Variants in PDE4B observed in about 807,000 individuals in gnomAD.
PDE4B encodes phosphodiesterase 4B, also known as 3',5'-cyclic-AMP phosphodiesterase 4B.
Under a neutral mutation model 82.2 loss-of-function variants are expected in PDE4B, and 20 were observed. The observed-to-expected ratio is 0.24, with a 90% CI of 0.17 to 0.35. The LOEUF is 0.35. Among genes scored for constraint, PDE4B ranks in the 10% least tolerant of loss-of-function variants. PDE4B has a pLI of 1.00. For synonymous variants in PDE4B, 320 were observed against 318.9 expected (o/e 1.00, Z -0.04); for missense variants, 655 against 907.2 (o/e 0.72, Z 3.57).
chr1:66,280,621 C>G (rs1207121125), intron 7 of PDE4B, among the ~76,000 whole-genome samples: 1 of 152,154 alleles, frequency 6.6e-6, no homozygotes, highest in Non-Finnish European at 1.5e-5. Context: ...TTGAGACGCC[C>G]TTCCTTCTCA....
At chr1:65,976,799 A>C in intron 3 of PDE4B, among the ~76,000 whole-genome samples, 1 of 152,238 alleles carries the variant, frequency 6.6e-6, no homozygotes, top group Non-Finnish European at 1.5e-5. Flanking sequence ...TCATGATTTA[A>C]GTTTCCTGAG....
intron 8 of PDE4B, among the ~76,000 whole-genome samples, chr1:66,334,613 C>A (rs12562881): frequency 1.3e-5 from 2 of 152,306 alleles, no homozygotes; most frequent in Non-Finnish European, 2.9e-5. Flanking sequence ...AGCATGCAGC[C>A]TCAGTCATTT....
intron 3 of PDE4B, among the ~76,000 whole-genome samples, chr1:66,015,400 C>G (rs76005015): frequency 0.021 from 3,217 of 152,136 alleles, 116 homozygotes; most frequent in African/African-American, 0.073. Context: ...AACACCCAGG[C>G]TTGTGTTTAA....
At chr1:66,143,179 G>A (rs1384772377) in intron 3 of PDE4B, among the ~76,000 whole-genome samples, 2 of 152,182 alleles carry the variant, frequency 1.3e-5, no homozygotes, top group South Asian at 2.1e-4. Context: ...CAGTAAAAGT[G>A]AAGACAAGGG....
At chr1:65,961,691 G>C (rs17128157) in intron 3 of PDE4B, among the ~76,000 whole-genome samples, 1 of 152,248 alleles carries the variant, frequency 6.6e-6, no homozygotes, top group African/African-American at 2.4e-5. Context: ...TCAATGGGAA[G>C]ACAGATGAGT....
At chr1:65,854,316 C>T (rs1279000826) in intron 1 of PDE4B, among the ~76,000 whole-genome samples, 8 of 151,100 alleles carry the variant, frequency 5.3e-5, no homozygotes, top group Admixed American at 4.0e-4. Context: ...TTTATATTTC[C>T]TCATATGTTT....
chr1:65,816,597 T>A (rs573141878), intron 1 of PDE4B, among the ~76,000 whole-genome samples: 4 of 152,238 alleles, frequency 2.6e-5, no homozygotes, highest in African/African-American at 9.6e-5. Context: ...TCACAAAGAT[T>A]TATAAACAAG....
At chr1:66,067,939 T>C (rs535050556) in intron 3 of PDE4B, among the ~76,000 whole-genome samples, 101 of 106,854 alleles carry the variant, frequency 9.5e-4, no homozygotes, top group African/African-American at 3.3e-3. Flanking sequence ...CACCAGGGAC[T>C]GTTGTGGGGT....
chr1:66,355,457 G>A (rs1662161526), intron 8 of PDE4B, 70 bp from the exon 9 acceptor site: 2 of 987,960 alleles, frequency 2.0e-6, no homozygotes, highest in Non-Finnish European at 3.2e-6. Flanking sequence ...GGACAGTAAA[G>A]TTGGAAACAT....
At chr1:66,206,396 C>T (rs1190983114) in intron 3 of PDE4B, among the ~76,000 whole-genome samples, 1 of 152,128 alleles carries the variant, frequency 6.6e-6, no homozygotes, top group Non-Finnish European at 1.5e-5. Context: ...CTCCACCCTC[C>T]AGCATTTTAT....
chr1:66,139,252 A>T (rs1352121564), intron 3 of PDE4B, among the ~76,000 whole-genome samples: 1 of 152,220 alleles, frequency 6.6e-6, no homozygotes, highest in Non-Finnish European at 1.5e-5. Flanking sequence ...TCTAAGGATG[A>T]AGTTGCTTTA....
intron 7 of PDE4B, chr1:66,332,285 C>T (rs559557910): frequency 9.3e-6 from 14 of 1,510,810 alleles, no homozygotes; most frequent in African/African-American, 2.8e-5. Flanking sequence ...CTCATCCAGG[C>T]GGGGGGTTGG....
At chr1:66,246,378 G>T (rs535132684) in intron 3 of PDE4B, among the ~76,000 whole-genome samples, 1 of 152,170 alleles carries the variant, frequency 6.6e-6, no homozygotes, top group African/African-American at 2.4e-5. Context: ...AATCATGGCC[G>T]CTGAATTGGT....
chr1:66,223,730 A>G (rs1193511688), intron 3 of PDE4B, among the ~76,000 whole-genome samples: 3 of 150,840 alleles, frequency 2.0e-5, no homozygotes, highest in Non-Finnish European at 4.4e-5. Flanking sequence ...GAGAAAGAGG[A>G]GGGCCCTCCA....
At chr1:65,932,996 GGAGGAGA>G (rs1457439743) in intron 3 of PDE4B, among the ~76,000 whole-genome samples, 1 of 151,988 alleles carries the variant, frequency 6.6e-6, no homozygotes, top group Non-Finnish European at 1.5e-5. Flanking sequence ...AGGAGTTCTT[GGAGGAGA>G]GAGGAGAGAG....
At chr1:65,947,043 C>T (rs1648748991) in intron 3 of PDE4B, among the ~76,000 whole-genome samples, 1 of 152,010 alleles carries the variant, frequency 6.6e-6, no homozygotes, top group South Asian at 2.1e-4. Flanking sequence ...CTTTCCAAAG[C>T]ATCCAGAATA....
intron 3 of PDE4B, among the ~76,000 whole-genome samples, chr1:66,210,156 G>A (rs186866535): frequency 1.3e-5 from 2 of 152,206 alleles, no homozygotes; most frequent in East Asian, 3.9e-4. Flanking sequence ...TTACACTAAC[G>A]GCCGTGTGCA....
chr1:66,322,147 C>T (rs1301870373), intron 7 of PDE4B, among the ~76,000 whole-genome samples: 3 of 152,122 alleles, frequency 2.0e-5, no homozygotes, highest in South Asian at 2.1e-4. Flanking sequence ...GGATCCCTTC[C>T]TTATACCGTA....
rs1476957405 is a variant in PDE4B at position 66,100,388 on chromosome 1, T to A, written c.282-147072T>A. ...TTTTTCTTTCACTTCTAACCTTAAT[T>A]TCAAAGTAAGATCTGTGAGGATAGG... On this transcript the variant is annotated intron_variant, in intron 3 of 16. Transcript: ENST00000341517. Among the ~76,000 whole-genome samples, 5 of 152,050 alleles carry A rather than the reference T, an allele frequency of 3.3e-5. No homozygotes were observed. In the East Asian group the frequency reaches 7.7e-4, roughly 23 times the overall value.
Sources: gnomAD v4.1 joint callset for allele counts (sites outside exome capture counted in the v4.1 genomes callset) on GRCh38, gnomAD v4.1.1 for gene constraint, MANE v1.5 for transcripts, NCBI Gene and HGNC (gene_info 2026-07-23, HGNC 2026-07-21) for gene names.